The following OSBP2 variants were observed in gnomAD, a reference collection of about 807,000 sequenced individuals.
OSBP2 encodes the protein oxysterol binding protein 2, also known as oxysterol-binding protein 2.
Under a neutral mutation model 96.0 loss-of-function variants are expected in OSBP2, and 66 were observed. That is an observed-to-expected ratio of 0.69 (90% CI 0.56 to 0.84). The LOEUF (loss-of-function observed/expected upper bound fraction) is 0.84. Ranked by LOEUF, OSBP2 falls within the 40% of genes least tolerant of loss-of-function variation. The pLI is 0.00. For synonymous variants in OSBP2, 525 were observed against 520.9 expected (o/e 1.01, Z -0.11); for missense variants, 1,038 against 1,222.7 (o/e 0.85, Z 2.25).
At chr22:30,866,715 C>T (rs576206812) in intron 2 of OSBP2, among the ~76,000 whole-genome samples, 19 of 151,062 alleles carry the variant, frequency 1.3e-4, no homozygotes, top group Non-Finnish European at 1.8e-4. Context: ...CCAGCCTGGG[C>T]GACAGCGCGA....
chr22:30,896,479 G>A (rs990003728), intron 12 of OSBP2, among the ~76,000 whole-genome samples: 3 of 152,008 alleles, frequency 2.0e-5, no homozygotes, highest in Non-Finnish European at 2.9e-5. Flanking sequence ...CTTATTGGAA[G>A]GAAGAAACAT....
chr22:30,702,939 G>A (rs966044375), intron 1 of OSBP2, among the ~76,000 whole-genome samples: 1 of 152,200 alleles, frequency 6.6e-6, no homozygotes, highest in African/African-American at 2.4e-5. Flanking sequence ...AGAGTTGCCT[G>A]TGAGTTTATG....
At chr22:30,880,524 G>A (rs555005878) in intron 3 of OSBP2, among the ~76,000 whole-genome samples, 31 of 152,304 alleles carry the variant, frequency 2.0e-4, no homozygotes, top group Middle Eastern at 3.4e-3. Flanking sequence ...GGCTGCCCAC[G>A]TCAATGCCCA....
In OSBP2 at chr22:30,869,681, A is replaced by G. The variant is rs577814471; in HGVS notation, c.854-748A>G. ...CTCCTGGGTAGCTGGGACCATCAGC[A>G]TATGCCACTATGCCCGGCTAATTTT... On this transcript the variant is annotated intron_variant, in intron 2 of 13. Transcript: ENST00000332585. Among the ~76,000 whole-genome samples, 12 of 152,282 alleles carry G rather than the reference A, an allele frequency of 7.9e-5. No homozygotes were observed. The South Asian group carries it at 2.5e-3, about 32-fold the overall frequency.
intron 2 of OSBP2, among the ~76,000 whole-genome samples, chr22:30,867,894 C>G (rs897568388): frequency 1.3e-4 from 20 of 152,252 alleles, no homozygotes; most frequent in African/African-American, 4.6e-4. Flanking sequence ...AGGCCCTCCC[C>G]GTGTTGAGCC....
At chr22:30,878,080 CTGGAG>C (rs2039621511) in intron 3 of OSBP2, among the ~76,000 whole-genome samples, 1 of 152,228 alleles carries the variant, frequency 6.6e-6, no homozygotes, top group Non-Finnish European at 1.5e-5. Flanking sequence ...GCCAGGCACC[CTGGAG>C]TGCGCACTGG....
At chr22:30,875,589 C>G (rs1325870148) in intron 3 of OSBP2, among the ~76,000 whole-genome samples, 2 of 152,136 alleles carry the variant, frequency 1.3e-5, no homozygotes, top group Admixed American at 6.5e-5. Flanking sequence ...TCAGGCTGGT[C>G]TCGAACTCCC....
At chr22:30,859,927 G>A (rs1038069541) in intron 2 of OSBP2, among the ~76,000 whole-genome samples, 10 of 152,056 alleles carry the variant, frequency 6.6e-5, no homozygotes, top group Non-Finnish European at 1.0e-4. Flanking sequence ...ATGCCTGGCC[G>A]CCGCCCCCGG....
intron 12 of OSBP2, chr22:30,902,345 G>A (rs2147192332): frequency 4.4e-6 from 7 of 1,586,076 alleles, no homozygotes; most frequent in Non-Finnish European, 6.1e-6. Flanking sequence ...TAAATTTAAA[G>A]GATTCTGCTA....
At chr22:30,730,774 C>CTCTCTCTCTCTATATATA (rs1569100458) in intron 1 of OSBP2, among the ~76,000 whole-genome samples, 1 of 13,844 alleles carries the variant, frequency 7.2e-5, no homozygotes, top group Non-Finnish European at 1.4e-4. Context: ...CTCTCTCTCT[C>CTCTCTCTCTCTATATATA]TATATATATA....
At chr22:30,776,175 G>A (rs1184163983) in intron 2 of OSBP2, among the ~76,000 whole-genome samples, 1 of 150,806 alleles carries the variant, frequency 6.6e-6, no homozygotes, top group Non-Finnish European at 1.5e-5. Flanking sequence ...ACCCAGACTG[G>A]AGTGCAGTGA....
chr22:30,875,216 G>A (rs757607645), intron 3 of OSBP2, among the ~76,000 whole-genome samples: 4 of 151,604 alleles, frequency 2.6e-5, no homozygotes, highest in South Asian at 2.1e-4. Flanking sequence ...CCTGCACCCC[G>A]CACCCCCCTG....
chr22:30,806,454 G>T (rs2090929184), intron 2 of OSBP2, among the ~76,000 whole-genome samples: 1 of 152,212 alleles, frequency 6.6e-6, no homozygotes, highest in African/African-American at 2.4e-5. Context: ...CCTGTCTCCA[G>T]GATGGGGCTT....
intron 2 of OSBP2, among the ~76,000 whole-genome samples, chr22:30,845,595 G>C (rs1055525314): frequency 6.6e-6 from 1 of 151,312 alleles, no homozygotes; most frequent in Non-Finnish European, 1.5e-5. Context: ...AAGTGGGGGT[G>C]GGGGACGGCC....
At chr22:30,765,313 G>T (rs963708587) in intron 2 of OSBP2, among the ~76,000 whole-genome samples, 1 of 152,066 alleles carries the variant, frequency 6.6e-6, no homozygotes, top group Non-Finnish European at 1.5e-5. Flanking sequence ...GGGTTCAGAC[G>T]ATTCTCCTGC....
At chr22:30,705,591 C>A (rs920543871) in intron 1 of OSBP2, among the ~76,000 whole-genome samples, 5 of 152,144 alleles carry the variant, frequency 3.3e-5, no homozygotes, top group African/African-American at 1.2e-4. Context: ...CCGCGTCTGG[C>A]CTCCCCAGTA....
intron 6 of OSBP2, 102 bp from the exon 7 acceptor site, chr22:30,889,388 G>A: frequency 1.4e-6 from 2 of 1,480,224 alleles, no homozygotes; most frequent in South Asian, 2.4e-5. Flanking sequence ...CGTACCAGTG[G>A]CCGGCTTGGT....
chr22:30,811,660 T>C (rs1230425449), intron 2 of OSBP2, among the ~76,000 whole-genome samples: 14 of 152,026 alleles, frequency 9.2e-5, no homozygotes, highest in Admixed American at 8.5e-4. Context: ...GTTCAAGTGA[T>C]TCTCCTGCCT....
chr22:30,870,599 A>G lies in OSBP2; in HGVS notation c.1024A>G (p.Ile342Val), dbSNP rs1300808061. 6.2e-7 allele frequency: 1 copy of G among 1,613,840 alleles called. No individual in the cohort carries two copies. The highest frequency in any genetic ancestry group is 2.2e-5 in the East Asian group (1 of 44,844). Residue 342 changes from isoleucine (I) to valine (V), a missense_variant, in exon 3 of 14, where the codon ATC becomes GTC. Physicochemically the swap from Ile to Val is conservative, Grantham distance 29. Coordinates refer to ENST00000332585, the MANE Select transcript of OSBP2 (RefSeq NM_030758.4). The surrounding 1 kb of genome is among the most constrained non-coding windows in gnomAD (Gnocchi z 4.1). Reference protein sequence around the residue: ...RSLTELDGLKIPSESGEKLKV... With the variant: ...RSLTELDGLKVPSESGEKLKV... ...CCTGACAGAGCTGGACGGCCTCAAGATCCCATCTGAGAGTGGGGAGAAGCT... is the reference window on the plus strand; with the variant it reads ...CCTGACAGAGCTGGACGGCCTCAAGGTCCCATCTGAGAGTGGGGAGAAGCT...
Sources: gnomAD v4.1 joint callset for allele counts (sites outside exome capture counted in the v4.1 genomes callset) on GRCh38, gnomAD v4.1.1 for gene constraint, Gnocchi (gnomAD v3.1) non-coding constraint, MANE v1.5 for transcripts, NCBI Gene and HGNC (gene_info 2026-07-23, HGNC 2026-07-21) for gene names.